The following DDX10 variants were observed in gnomAD, a reference collection of about 807,000 sequenced individuals.
DDX10 encodes DEAD-box helicase 10.
Under a neutral mutation model 104.3 loss-of-function variants are expected in DDX10, and 74 were observed. That is an observed-to-expected ratio of 0.71 (90% CI 0.59 to 0.86). DDX10 has a LOEUF of 0.86. Among genes scored for constraint, DDX10 ranks in the 40% least tolerant of loss-of-function variants. The probability of loss-of-function intolerance (pLI) is 0.00; values close to 1 mark genes in which losing one functional copy is unlikely to be tolerated. For missense variants in DDX10, 952 were observed against 1,040.0 expected (o/e 0.92, Z 1.16); for synonymous variants, 351 against 353.4 (o/e 0.99, Z 0.08).
chr11:108,795,738 T>C (rs925180188), intron 13 of DDX10, among the ~76,000 whole-genome samples: 1 of 152,140 alleles, frequency 6.6e-6, no homozygotes, highest in Non-Finnish European at 1.5e-5. Flanking sequence ...ATCCAGTCTC[T>C]CATTGATGGA....
chr11:108,893,763 A>T (rs1385370342), intron 16 of DDX10, among the ~76,000 whole-genome samples: 1 of 152,040 alleles, frequency 6.6e-6, no homozygotes. Flanking sequence ...TGTCAGTCCC[A>T]CCGGGGGAGC....
chr11:108,843,666 G>T (rs974884028), intron 15 of DDX10, among the ~76,000 whole-genome samples: 1 of 151,750 alleles, frequency 6.6e-6, no homozygotes, highest in Non-Finnish European at 1.5e-5. Context: ...TGAGGCAGGA[G>T]AATTGCTTGA....
chr11:108,841,609 T>C lies in DDX10; in HGVS notation c.2247+133T>C. 6 of 864,316 alleles carry C rather than the reference T, an allele frequency of 6.9e-6. No homozygotes were observed. In the South Asian group the frequency reaches 1.0e-4, roughly 15 times the overall value. The allele number at this position is 864,316 out of a possible 1,614,324, so 53.5% of individuals were successfully genotyped here. ...TCTCTGACACTTCTTTTTCTGTGGC[T>C]ACTCTTTTTTCTGTTTATTTGTTCC... On this transcript the variant is annotated intron_variant, in intron 15 of 17. Coordinates refer to ENST00000322536, the MANE Select transcript of DDX10 (RefSeq NM_004398.4).
chr11:108,783,379 A>G (rs1490271649), intron 13 of DDX10, among the ~76,000 whole-genome samples: 2 of 152,168 alleles, frequency 1.3e-5, no homozygotes, highest in African/African-American at 4.8e-5. Flanking sequence ...GGAGAGCTAT[A>G]TTGAAGAGCG....
intron 13 of DDX10, among the ~76,000 whole-genome samples, chr11:108,735,111 A>C (rs561185924): frequency 6.6e-6 from 1 of 152,334 alleles, no homozygotes; most frequent in East Asian, 1.9e-4. Flanking sequence ...GCATATTTTG[A>C]AACACGGTTT....
chr11:108,763,565 A>G (rs1314322312), intron 13 of DDX10, among the ~76,000 whole-genome samples: 1 of 152,160 alleles, frequency 6.6e-6, no homozygotes, highest in Non-Finnish European at 1.5e-5. Flanking sequence ...TCCAGTATTG[A>G]ATTTACTGGG....
chr11:108,782,559 T>C (rs1051705884), intron 13 of DDX10, among the ~76,000 whole-genome samples: 1 of 152,192 alleles, frequency 6.6e-6, no homozygotes, highest in South Asian at 2.1e-4. Context: ...TTAATGTTAA[T>C]TTGTGTAATA....
At chr11:108,807,413 C>T (rs1424666837) in intron 13 of DDX10, among the ~76,000 whole-genome samples, 1 of 151,940 alleles carries the variant, frequency 6.6e-6, no homozygotes, top group Non-Finnish European at 1.5e-5. Flanking sequence ...GAAGAGAAAC[C>T]AGTTTAGACA....
chr11:108,694,761 G>A (rs1391306282), intron 9 of DDX10, among the ~76,000 whole-genome samples: 2 of 152,102 alleles, frequency 1.3e-5, no homozygotes, highest in South Asian at 2.1e-4. Context: ...TGCGCCTGTA[G>A]TCTCAGCTCC....
rs917619339 is a variant in DDX10, at chr11:108,779,649, C to T, written c.1965+56187C>T. 6.6e-5 allele frequency among the ~76,000 whole-genome samples: 10 copies of T among 151,774 alleles called. No individual in the cohort carries two copies. The South Asian group carries it at 1.3e-3, about 19-fold the overall frequency. On this transcript the variant is annotated intron_variant, in intron 13 of 17. Coordinates refer to ENST00000322536, the MANE Select transcript of DDX10 (RefSeq NM_004398.4). ...AAACCTGCACGTTGTGCACATGTAC[C>T]CTAGAACTTAAAGTAAAATAAAAAA...
rs1248773378 is a variant in DDX10 at position 108,753,436 on chromosome 11, A to G, written c.1965+29974A>G. Among the ~76,000 whole-genome samples the G allele has an allele frequency of 3.3e-5, 5 of 152,110 alleles. No homozygotes were observed. In the South Asian group the frequency reaches 6.2e-4, roughly 19 times the overall value. Reference sequence around the variant, plus strand: ...AATGTTTACCAAAGGAAGCAACAGCATGGTACATATTATGTACGTATGTTG... The same window carrying G: ...AATGTTTACCAAAGGAAGCAACAGCGTGGTACATATTATGTACGTATGTTG... On this transcript the variant is annotated intron_variant, in intron 13 of 17. Transcript: ENST00000322536.
At chr11:108,778,938 G>C (rs896638829) in intron 13 of DDX10, among the ~76,000 whole-genome samples, 1 of 152,166 alleles carries the variant, frequency 6.6e-6, no homozygotes, top group Non-Finnish European at 1.5e-5. Context: ...ATGAAAAAAT[G>C]CTCATCATCA....
chr11:108,794,280 T>C (rs1199419157), intron 13 of DDX10, among the ~76,000 whole-genome samples: 1 of 152,104 alleles, frequency 6.6e-6, no homozygotes, highest in Non-Finnish European at 1.5e-5. Flanking sequence ...TTTAGTAGCT[T>C]TTTTGTAGGT....
chr11:108,761,467 A>C (rs967605133), intron 13 of DDX10, among the ~76,000 whole-genome samples: 43 of 152,112 alleles, frequency 2.8e-4, no homozygotes, highest in African/African-American at 1.0e-3. Context: ...TTAAACTTCA[A>C]ATCTTTTCTA....
In DDX10 at chr11:108,905,316, G is replaced by GA. The variant is rs1179997602; in HGVS notation, c.2305-12557_2305-12556insA. ...AAGGTACTATTAGATTGTTTAAGGGGGGGGGGGGTTGAAATCCTGTGATCC... is the reference window on the plus strand; with the variant it reads ...AAGGTACTATTAGATTGTTTAAGGGGAGGGGGGGGTTGAAATCCTGTGATCC... On this transcript the variant is annotated intron_variant, in intron 16 of 17. Coordinates refer to ENST00000322536, the MANE Select transcript of DDX10 (RefSeq NM_004398.4). 1.3e-4 allele frequency among the ~76,000 whole-genome samples: 19 copies of GA among 149,604 alleles called. 1 individual carries two copies. Among genetic ancestry groups the GA allele is most frequent in the Non-Finnish European group, 2.7e-4 (18 of 67,192 alleles).
At chr11:108,857,733 G>C (rs1173718341) in intron 16 of DDX10, among the ~76,000 whole-genome samples, 1 of 152,246 alleles carries the variant, frequency 6.6e-6, no homozygotes, top group African/African-American at 2.4e-5. Flanking sequence ...GGAAATGGCA[G>C]AGCCAGGATG....
intron 16 of DDX10, among the ~76,000 whole-genome samples, chr11:108,870,931 C>A (rs948502199): frequency 2.0e-5 from 3 of 152,108 alleles, no homozygotes; most frequent in South Asian, 2.1e-4. Flanking sequence ...TGTGACACTT[C>A]CAAAATAGTG....
intron 10 of DDX10, 100 bp downstream of exon 10, chr11:108,706,937 C>A: frequency 1.1e-6 from 1 of 934,080 alleles, no homozygotes; most frequent in Non-Finnish European, 1.7e-6. Context: ...CTAATTTATT[C>A]AACTGCCTGG....
At chr11:108,839,785 A>G (rs891313761) in intron 14 of DDX10, among the ~76,000 whole-genome samples, 4 of 152,222 alleles carry the variant, frequency 2.6e-5, no homozygotes, top group Admixed American at 6.5e-5. Context: ...TGAAGTTACG[A>G]AAAAGAGGTC....
Sources: gnomAD v4.1 joint callset for allele counts (sites outside exome capture counted in the v4.1 genomes callset) on GRCh38, gnomAD v4.1.1 for gene constraint, MANE v1.5 for transcripts, NCBI Gene and HGNC (gene_info 2026-07-23, HGNC 2026-07-21) for gene names.